PHF21A: variants seen among roughly 807,000 people sequenced by gnomAD.
PHF21A encodes BHC80a.
PHF21A carries 11 observed loss-of-function variants against 82.5 expected under a neutral mutation model. The ratio of observed to expected loss-of-function variants is 0.13; its 90% CI spans 0.08 to 0.22. The LOEUF (loss-of-function observed/expected upper bound fraction) is 0.22, where lower values mean the gene tolerates loss of function less well. PHF21A is among the 10% of genes least tolerant of loss of function. The pLI is 1.00. For missense variants in PHF21A, 579 were observed against 837.8 expected, an observed-to-expected ratio of 0.69 and a Z score of 3.81; for synonymous variants, 297 against 302.8, an observed-to-expected ratio of 0.98 and a Z score of 0.20.
intron 11 of PHF21A, among the ~76,000 whole-genome samples, chr11:45,951,309 G>A (rs2092078006): frequency 6.6e-6 from 1 of 152,128 alleles, no homozygotes; most frequent in Admixed American, 6.5e-5. Flanking sequence ...TCTTATCCTC[G>A]ATATTATCCT....
chr11:46,071,177 A>C (rs2096652906), intron 6 of PHF21A, among the ~76,000 whole-genome samples: 1 of 152,206 alleles, frequency 6.6e-6, no homozygotes, highest in East Asian at 1.9e-4. Context: ...ATGTTAACAA[A>C]CCTGATGCCA....
intron 3 of PHF21A, among the ~76,000 whole-genome samples, chr11:46,089,497 T>C (rs1483359873): frequency 6.6e-6 from 1 of 152,090 alleles, no homozygotes; most frequent in Non-Finnish European, 1.5e-5. Flanking sequence ...CTTGATTTAT[T>C]TTCATCACAG....
chr11:46,100,695 T>C (rs1194737480), intron 1 of PHF21A, among the ~76,000 whole-genome samples: 1 of 152,160 alleles, frequency 6.6e-6, no homozygotes, highest in Non-Finnish European at 1.5e-5. Context: ...TCCCCATGCA[T>C]TGAGATGGAA....
chr11:46,060,313 T>C (rs1282669506), intron 6 of PHF21A, among the ~76,000 whole-genome samples: 3 of 152,162 alleles, frequency 2.0e-5, no homozygotes, highest in Admixed American at 6.5e-5. Flanking sequence ...ATTACTTTTA[T>C]AAACTTTTGA....
At chr11:46,065,216 C>G (rs1258740724) in intron 6 of PHF21A, among the ~76,000 whole-genome samples, 1 of 152,184 alleles carries the variant, frequency 6.6e-6, no homozygotes, top group Non-Finnish European at 1.5e-5. Flanking sequence ...TCTTGGACTC[C>G]TCCTTCTTGC....
intron 6 of PHF21A, among the ~76,000 whole-genome samples, chr11:46,018,701 T>C (rs946126666): frequency 6.6e-6 from 1 of 152,170 alleles, no homozygotes; most frequent in Non-Finnish European, 1.5e-5. Context: ...AATCCTGATA[T>C]GGACAACACA....
chr11:46,102,797 C>T (rs1344288449), intron 1 of PHF21A, among the ~76,000 whole-genome samples: 1 of 152,164 alleles, frequency 6.6e-6, no homozygotes, highest in Non-Finnish European at 1.5e-5. Context: ...GCTGAGGGCC[C>T]AAAGTAGGGG....
intron 6 of PHF21A, chr11:46,049,445 G>A: frequency 2.2e-6 from 1 of 456,234 alleles, no homozygotes; most frequent in South Asian, 1.5e-5. Context: ...GTGTATTCCT[G>A]TACAGTGGCA....
intron 6 of PHF21A, among the ~76,000 whole-genome samples, chr11:46,050,298 T>C (rs944458633): frequency 2.0e-5 from 3 of 152,254 alleles, no homozygotes; most frequent in African/African-American, 4.8e-5. Flanking sequence ...GAGAAAGGCA[T>C]AGGGACTAAT....
chr11:45,942,593 G>A (rs966156870), intron 15 of PHF21A, among the ~76,000 whole-genome samples: 9 of 152,300 alleles, frequency 5.9e-5, no homozygotes, highest in South Asian at 4.1e-4. Flanking sequence ...TCAGGAAAGC[G>A]AGACAAAATG....
At chr11:46,105,361 C>T (rs554296683) in intron 1 of PHF21A, among the ~76,000 whole-genome samples, 2 of 152,142 alleles carry the variant, frequency 1.3e-5, no homozygotes, top group Admixed American at 6.5e-5. Flanking sequence ...GTGTGCCAGA[C>T]GTCTTTACAG....
chr11:45,935,568 A>C (rs1216851020), intron 18 of PHF21A, 68 bp downstream of exon 18: 1 of 852,582 alleles, frequency 1.2e-6, no homozygotes, highest in African/African-American at 1.7e-5. Flanking sequence ...ACGTACTGTT[A>C]CGTATATTGG....
chr11:46,092,499 T>A (rs897036247), intron 1 of PHF21A, among the ~76,000 whole-genome samples: 1 of 152,248 alleles, frequency 6.6e-6, no homozygotes. Flanking sequence ...AAGAGACACA[T>A]AGAAATGAAA....
intron 6 of PHF21A, among the ~76,000 whole-genome samples, chr11:45,994,327 A>G (rs1272937730): frequency 6.6e-6 from 1 of 152,260 alleles, no homozygotes; most frequent in Non-Finnish European, 1.5e-5. Flanking sequence ...TCTTACTGCC[A>G]TAAAAATTAT....
intron 10 of PHF21A, among the ~76,000 whole-genome samples, chr11:45,963,138 G>A (rs1316520707): frequency 3.9e-5 from 6 of 151,960 alleles, no homozygotes; most frequent in Non-Finnish European, 5.9e-5. Flanking sequence ...AATATCTGGG[G>A]GCCGGGTGCG....
intron 6 of PHF21A, among the ~76,000 whole-genome samples, chr11:46,069,510 GAGATAGTCATA>G (rs34627524): frequency 0.15 from 22,361 of 152,084 alleles, 3,438 homozygotes; most frequent in East Asian, 0.62. Context: ...TTAGAGGCTG[GAGATAGTCATA>G]TATCAGGTAA....
intron 15 of PHF21A, among the ~76,000 whole-genome samples, chr11:45,942,440 T>C (rs1565173856): frequency 6.6e-6 from 1 of 152,210 alleles, no homozygotes; most frequent in East Asian, 1.9e-4. Flanking sequence ...AAGAGGCCAA[T>C]GAGCTGGTGA....
rs35646259 is a variant in PHF21A, at chr11:45,965,429, G to A, written c.882C>T (p.Thr294=). Residue 294 remains threonine, a synonymous_variant, in exon 10 of 19, where the codon ACC becomes ACT. Coordinates refer to ENST00000676320, the MANE Select transcript of PHF21A (RefSeq NM_001352027.3). The part of the protein sequence containing the change: ...PVRVVNGQTA[T]IAKTFPMAQL... ...GGGCCATGGGGAACGTTTTGGCTAT[G>A]GTTGCAGTCTGCCCATTGACGACAC... 4,990 of 1,614,120 alleles carry A rather than the reference G, an allele frequency of 3.1e-3. 9 individuals are homozygous for A. Among genetic ancestry groups the A allele is most frequent in the Non-Finnish European group, 3.9e-3 (4,609 of 1,180,010 alleles).
At chr11:45,978,549 ACT>A (rs1237753331) in intron 7 of PHF21A, among the ~76,000 whole-genome samples, 1 of 152,034 alleles carries the variant, frequency 6.6e-6, no homozygotes, top group Non-Finnish European at 1.5e-5. Flanking sequence ...ACTGAACTAT[ACT>A]CTTTTTCTCT....
Sources: gnomAD v4.1 joint callset for allele counts (sites outside exome capture counted in the v4.1 genomes callset) on GRCh38, gnomAD v4.1.1 for gene constraint, MANE v1.5 for transcripts, NCBI Gene and HGNC (gene_info 2026-07-23, HGNC 2026-07-21) for gene names.